Variants in FRMD4B observed in about 807,000 individuals in gnomAD.
The protein encoded by FRMD4B is FERM domain-containing protein 4B.
Under a neutral mutation model 141.5 loss-of-function variants are expected in FRMD4B, and 74 were observed. The ratio of observed to expected loss-of-function variants is 0.52; its 90% CI spans 0.43 to 0.63. The LOEUF (loss-of-function observed/expected upper bound fraction) is 0.63, where lower values mean the gene tolerates loss of function less well. Among genes scored for constraint, FRMD4B ranks in the 30% least tolerant of loss-of-function variants. The pLI is 0.00. For missense variants in FRMD4B, 1,366 were observed against 1,253.4 expected (o/e 1.09, Z -1.36); for synonymous variants, 506 against 467.9 (o/e 1.08, Z -1.05).
intron 1 of FRMD4B, among the ~76,000 whole-genome samples, chr3:69,524,243 A>T (rs760625572): frequency 3.3e-5 from 5 of 152,246 alleles, no homozygotes; most frequent in Non-Finnish European, 7.3e-5. Flanking sequence ...ACCATGTGCC[A>T]ATCACTGTGC....
At position 69,287,819 on chromosome 3, in the gene FRMD4B, A is replaced by G. The variant is rs946330216; in HGVS notation, c.434T>C (p.Ile145Thr). 5 of 1,570,834 alleles carry G rather than the reference A, an allele frequency of 3.2e-6. No individual in the cohort carries two copies. In the East Asian group the frequency reaches 1.1e-4, roughly 35 times the overall value. ...HFAVRFYIES[I>T]SFLKDKTTVE... ...GGTGGTTTTATCCTTTAAAAACGAT[A>G]TGCTCTCAATGTAAAACCTGAAAAA... The change falls in exon 5 of 23, where the codon ATA becomes ACA. Residue 145 changes from isoleucine (I) to threonine (T), a missense_variant. Physicochemically the swap from Ile to Thr is moderately conservative, Grantham distance 89. Transcript: ENST00000398540.
At chr3:69,430,173 C>G (rs1705156223) in intron 2 of FRMD4B, among the ~76,000 whole-genome samples, 1 of 152,146 alleles carries the variant, frequency 6.6e-6, no homozygotes, top group Non-Finnish European at 1.5e-5. Flanking sequence ...TAGGAATGCA[C>G]ACATACAGCT....
At chr3:69,506,751 C>T (rs1360233363) in intron 1 of FRMD4B, among the ~76,000 whole-genome samples, 2 of 151,906 alleles carry the variant, frequency 1.3e-5, no homozygotes, top group South Asian at 4.2e-4. Flanking sequence ...ACTATGTTGC[C>T]CAGGCTGATC....
At chr3:69,368,774 C>T (rs542407807) in intron 1 of FRMD4B, among the ~76,000 whole-genome samples, 51 of 152,306 alleles carry the variant, frequency 3.3e-4, no homozygotes, top group East Asian at 1.7e-3. Context: ...CCTCCTGCCT[C>T]AGCCTCTTGA....
At chr3:69,404,798 C>A (rs1282877670) in intron 2 of FRMD4B, among the ~76,000 whole-genome samples, 1 of 152,090 alleles carries the variant, frequency 6.6e-6, no homozygotes, top group Admixed American at 6.6e-5. Context: ...GGTTCAGAAC[C>A]CCAGACTCCA....
intron 11 of FRMD4B, among the ~76,000 whole-genome samples, chr3:69,209,050 A>G (rs567609098): frequency 6.6e-6 from 1 of 152,136 alleles, no homozygotes; most frequent in East Asian, 1.9e-4. Context: ...AGGGTGAGGC[A>G]GAAGAATGGC....
At chr3:69,454,360 C>T (rs941522999) in intron 1 of FRMD4B, among the ~76,000 whole-genome samples, 46 of 152,244 alleles carry the variant, frequency 3.0e-4, no homozygotes, top group African/African-American at 1.1e-3. Flanking sequence ...CTTCAGCCAG[C>T]TGCTGCACCG....
chr3:69,504,093 G>A (rs1223301165), intron 1 of FRMD4B, among the ~76,000 whole-genome samples: 2 of 150,214 alleles, frequency 1.3e-5, no homozygotes, highest in African/African-American at 2.5e-5. Flanking sequence ...ATTGGCATAT[G>A]TTTTTTTGAG....
chr3:69,285,283 T>C (rs1700639129), intron 5 of FRMD4B, among the ~76,000 whole-genome samples: 1 of 150,352 alleles, frequency 6.7e-6, no homozygotes, highest in African/African-American at 2.5e-5. Flanking sequence ...AGAGAAACTA[T>C]ACAAGATATC....
chr3:69,268,258 G>A (rs539183633), intron 5 of FRMD4B, among the ~76,000 whole-genome samples: 1 of 152,112 alleles, frequency 6.6e-6, no homozygotes, highest in African/African-American at 2.4e-5. Context: ...CTGGAAATGA[G>A]AGGTGTGGCG....
Position 69,416,904 on chromosome 3 carries a change from G to C in FRMD4B, c.-1+15730C>G, listed in dbSNP as rs1704876436. ...ACTCATTCTTTTTTATGGCTGCATA[G>C]TATTCCATCATGTATATATGCCACA... On this transcript the variant is annotated intron_variant, in intron 2 of 5. Coordinates refer to the FRMD4B transcript ENST00000459638. Among the ~76,000 whole-genome samples the C allele has an allele frequency of 2.0e-5, 3 of 152,152 alleles. No homozygotes were observed. The South Asian group carries it at 6.2e-4, about 31-fold the overall frequency.
intron 2 of FRMD4B, among the ~76,000 whole-genome samples, chr3:69,402,820 TGACA>T (rs1455539516): frequency 3.3e-5 from 5 of 152,138 alleles, no homozygotes; most frequent in South Asian, 2.1e-4. Flanking sequence ...AGATTGCACA[TGACA>T]GACAGTAAAT....
At chr3:69,210,713 C>G (rs1017098114) in intron 11 of FRMD4B, among the ~76,000 whole-genome samples, 1 of 152,014 alleles carries the variant, frequency 6.6e-6, no homozygotes, top group Non-Finnish European at 1.5e-5. Context: ...TCTCCGAAAA[C>G]AGAAAATTTG....
In FRMD4B at chr3:69,181,051, C is replaced by G; in HGVS notation, c.2699G>C (p.Arg900Pro). Residue 900 changes from arginine (R) to proline (P), a missense_variant, in exon 21 of 23, where the codon CGT (arginine) becomes CCT (proline). By Grantham distance (103) the Arg-to-Pro change is moderately radical (BLOSUM62 -2). Coordinates refer to ENST00000398540, the MANE Select transcript of FRMD4B (RefSeq NM_015123.3). ...IHKALVAEHL[R>P]GWYQRASGQK... ...CCCAGAGGCCCGCTGGTACCAGCCACGCAAGTGCTCGGCAACTAAGGCCTT... is the reference window on the plus strand; with the variant it reads ...CCCAGAGGCCCGCTGGTACCAGCCAGGCAAGTGCTCGGCAACTAAGGCCTT... 1 of 1,613,962 alleles carries G rather than the reference C, an allele frequency of 6.2e-7. No homozygotes were observed. Among genetic ancestry groups the G allele is most frequent in the Non-Finnish European group, 8.5e-7 (1 of 1,179,880 alleles).
intron 2 of FRMD4B, among the ~76,000 whole-genome samples, chr3:69,312,523 C>T (rs867557924): frequency 1.6e-4 from 25 of 152,166 alleles, no homozygotes; most frequent in Admixed American, 1.6e-3. Context: ...AGGTGTGGCC[C>T]GTCCGCAGGG....
At chr3:69,326,089 C>T (rs1702181002) in intron 1 of FRMD4B, among the ~76,000 whole-genome samples, 1 of 151,692 alleles carries the variant, frequency 6.6e-6, no homozygotes, top group African/African-American at 2.4e-5. Context: ...AATGGAACTA[C>T]AGGTGCACAC....
chr3:69,290,297 G>A lies in FRMD4B; in HGVS notation c.417-2461C>T, dbSNP rs534309016. On this transcript the variant is annotated intron_variant, in intron 4 of 22. Coordinates refer to ENST00000398540, the MANE Select transcript of FRMD4B (RefSeq NM_015123.3). ...GAGACTTGAGGGGCGGGTGAGGAGG[G>A]ATTCAGTGGAGGCAGAGAAAGGCAC... Among the ~76,000 whole-genome samples the A allele has an allele frequency of 3.9e-5, 6 of 152,272 alleles. No individual in the cohort carries two copies. The South Asian group carries it at 8.3e-4, about 21-fold the overall frequency.
chr3:69,243,661 CT>C (rs1166846952), intron 7 of FRMD4B, among the ~76,000 whole-genome samples: 2 of 152,226 alleles, frequency 1.3e-5, no homozygotes, highest in South Asian at 4.1e-4. Context: ...GTAACAATCT[CT>C]TTGGGCTTAA....
chr3:69,320,112 T>G (rs67846536), intron 1 of FRMD4B, among the ~76,000 whole-genome samples: 49,791 of 152,120 alleles, frequency 0.33, 9,276 homozygotes, highest in East Asian at 0.59. Flanking sequence ...AGACCTGGGC[T>G]TAAAAGTCAG....
Sources: gnomAD v4.1 joint callset for allele counts (sites outside exome capture counted in the v4.1 genomes callset) on GRCh38, gnomAD v4.1.1 for gene constraint, MANE v1.5 for transcripts, NCBI Gene and HGNC (gene_info 2026-07-23, HGNC 2026-07-21) for gene names.